The following AP3B1 variants were observed in gnomAD, a reference collection of about 807,000 sequenced individuals.
AP3B1 encodes the protein AP-3 complex subunit beta-1.
AP3B1 carries 61 observed loss-of-function variants against 132.5 expected under a neutral mutation model. The ratio of observed to expected loss-of-function variants is 0.46; its 90% CI spans 0.37 to 0.57. The LOEUF is 0.57. Ranked by LOEUF, AP3B1 falls within the 20% of genes least tolerant of loss-of-function variation. The pLI is 0.00. For missense variants in AP3B1, 1,120 were observed against 1,289.4 expected (o/e 0.87, Z 2.01); for synonymous variants, 388 against 438.3 (o/e 0.89, Z 1.43).
intron 3 of AP3B1, among the ~76,000 whole-genome samples, chr5:78,231,368 T>C (rs978007121): frequency 1.3e-5 from 2 of 152,008 alleles, no homozygotes; most frequent in African/African-American, 4.8e-5. Context: ...GAGATGGGGT[T>C]TCACCAAGTT....
Position 78,116,201 on chromosome 5 carries a change from G to T in AP3B1, c.2002C>A (p.Gln668Lys). The change falls in exon 18 of 27, where the codon CAA (glutamine) becomes AAA (lysine). Residue 668 changes from glutamine to lysine, a missense_variant. Gln to Lys is a moderately conservative substitution (Grantham distance 53). This residue lies in a region of AP3B1 where 906 missense variants were observed against 997.1 expected (regional missense o/e 0.91). Transcript: ENST00000255194. ...KEWTPAGKAKQENSAKKFYSE... is the reference protein window; with the variant it reads ...KEWTPAGKAKKENSAKKFYSE... ...TAAAACTTCTTAGCAGAATTCTCTTGCTTTGCTTTTCCTGCTGGGGTCCAT... is the reference window on the plus strand; with the variant it reads ...TAAAACTTCTTAGCAGAATTCTCTTTCTTTGCTTTTCCTGCTGGGGTCCAT... The T allele has an allele frequency of 6.2e-7, 1 of 1,613,618 alleles. No homozygotes were observed. Among genetic ancestry groups the T allele is most frequent in the Non-Finnish European group, 8.5e-7 (1 of 1,179,744 alleles).
chr5:78,142,767 G>C (rs1411766452), intron 14 of AP3B1, among the ~76,000 whole-genome samples: 1 of 152,094 alleles, frequency 6.6e-6, no homozygotes, highest in Non-Finnish European at 1.5e-5. Context: ...TGTTTGGTGA[G>C]ACACAAGAAA....
intron 22 of AP3B1, among the ~76,000 whole-genome samples, chr5:78,076,040 A>G (rs953948697): frequency 2.6e-5 from 4 of 152,244 alleles, no homozygotes; most frequent in Admixed American, 1.3e-4. Flanking sequence ...GTTTTAAGTT[A>G]TAATGGTACA....
chr5:78,193,286 T>C (rs1017830169), intron 7 of AP3B1, among the ~76,000 whole-genome samples: 3 of 152,198 alleles, frequency 2.0e-5, no homozygotes, highest in African/African-American at 7.2e-5. Context: ...TCAAAGTTTA[T>C]ATCTGAGAGG....
chr5:78,025,063 T>C (rs1307318258), intron 24 of AP3B1, among the ~76,000 whole-genome samples: 1 of 152,134 alleles, frequency 6.6e-6, no homozygotes, highest in Non-Finnish European at 1.5e-5. Flanking sequence ...CACATACATA[T>C]ATATACACAC....
In AP3B1 at chr5:78,039,401, A is replaced by G. The variant is rs1747955294; in HGVS notation, c.2578-127T>C. 30 of 743,818 alleles carry G rather than the reference A, an allele frequency of 4.0e-5. No homozygotes were observed. The South Asian group carries it at 4.2e-4, about 10-fold the overall frequency. The allele number at this position is 743,818 out of a possible 1,614,324, so 46.1% of individuals were successfully genotyped here. On this transcript the variant is annotated intron_variant, in intron 22 of 26. Transcript: ENST00000255194. ...CAGTATTATATGAACTACAATAACA[A>G]ACATTAGTAGGATATCACACACATA...
chr5:78,035,102 T>A (rs1209192499), intron 23 of AP3B1, among the ~76,000 whole-genome samples: 1 of 151,924 alleles, frequency 6.6e-6, no homozygotes, highest in Non-Finnish European at 1.5e-5. Flanking sequence ...AGAAGCTTCA[T>A]CTATCAACTA....
At chr5:78,181,435 C>G in intron 8 of AP3B1, 72 bp downstream of exon 8, 1 of 1,429,988 alleles carries the variant, frequency 7.0e-7, no homozygotes, top group Non-Finnish European at 9.7e-7. Flanking sequence ...GACTCACTTA[C>G]TAAATTGAGA....
At chr5:78,207,253 G>A (rs1412760643) in intron 7 of AP3B1, among the ~76,000 whole-genome samples, 2 of 95,792 alleles carry the variant, frequency 2.1e-5, no homozygotes, top group African/African-American at 7.9e-5. Flanking sequence ...ACGAGACTCA[G>A]TGTCAAAAAA....
At chr5:78,223,801 T>C (rs1255385136) in intron 6 of AP3B1, among the ~76,000 whole-genome samples, 1 of 152,218 alleles carries the variant, frequency 6.6e-6, no homozygotes, top group African/African-American at 2.4e-5. Context: ...ACATATACTA[T>C]GTGGCAGACG....
intron 6 of AP3B1, among the ~76,000 whole-genome samples, chr5:78,224,332 C>T (rs1223691527): frequency 1.3e-5 from 2 of 151,654 alleles, no homozygotes; most frequent in Admixed American, 6.6e-5. Context: ...GTATAATCTC[C>T]ATGTATAAGA....
intron 22 of AP3B1, among the ~76,000 whole-genome samples, chr5:78,079,794 C>A (rs1749911038): frequency 6.6e-6 from 1 of 152,110 alleles, no homozygotes; most frequent in East Asian, 1.9e-4. Flanking sequence ...ATGAGTAAAA[C>A]TTTAAAAATC....
chr5:78,020,792 G>A lies in AP3B1; in HGVS notation c.2895-3C>T. On this transcript the variant is annotated splice_polypyrimidine_tract_variant and splice_region_variant and intron_variant, in intron 24 of 26. Transcript: ENST00000255194. ...CATTGAAGCAATCATCCTTGGTACT[G>A]AAGAAAAACAATCAAAGCTGACTAA... The A allele has an allele frequency of 6.2e-7, 1 of 1,605,726 alleles. No homozygotes were observed. Among genetic ancestry groups the A allele is most frequent in the Non-Finnish European group, 8.5e-7 (1 of 1,173,978 alleles).
intron 13 of AP3B1, among the ~76,000 whole-genome samples, chr5:78,159,722 G>A (rs1743310362): frequency 6.6e-6 from 1 of 152,086 alleles, no homozygotes; most frequent in Admixed American, 6.5e-5. Flanking sequence ...ATATTCACAG[G>A]TTCTGGGCAT....
Position 78,002,356 on chromosome 5 carries a change from T to C in AP3B1, c.*546A>G. 1 of 372,118 alleles carries C rather than the reference T, an allele frequency of 2.7e-6. No homozygotes were observed. Among genetic ancestry groups the C allele is most frequent in the Non-Finnish European group, 4.8e-6 (1 of 210,216 alleles). 23.1% of individuals were successfully genotyped at this position (372,118 alleles called of 1,614,324 possible). On this transcript the variant is annotated 3_prime_UTR_variant, in exon 27 of 27. Transcript: ENST00000255194. ...TTCATATGCTAGTTTATTTATCTTA[T>C]TATTGAGAGATAATTTCATGATGAC...
intron 20 of AP3B1, among the ~76,000 whole-genome samples, chr5:78,105,431 C>G (rs917324071): frequency 2.0e-5 from 3 of 152,066 alleles, no homozygotes; most frequent in Non-Finnish European, 4.4e-5. Flanking sequence ...ATAATTTTAA[C>G]TACAAGCAGA....
rs70997969 is a variant in AP3B1 at position 78,126,504 on chromosome 5, CAAAAAAAAAAA to C, written c.1968+1515_1968+1525del. On this transcript the variant is annotated intron_variant, in intron 17 of 26. Transcript: ENST00000255194. ...TGGGTGACAGAGCAAGACTCTGTCTCAAAAAAAAAAAAAAAAAAAAAAAAAAAAATTGCACA... is the reference window on the plus strand; with the variant it reads ...TGGGTGACAGAGCAAGACTCTGTCTCAAAAAAAAAAAAAAAAAATTGCACA... Among the ~76,000 whole-genome samples, 67 of 62,388 alleles carry C rather than the reference CAAAAAAAAAAA, an allele frequency of 1.1e-3. 1 individual carries two copies. The highest frequency in any genetic ancestry group is 2.6e-3 in the African/African-American group (33 of 12,792). 40.9% of individuals were successfully genotyped at this position (62,388 alleles called of 152,430 possible).
intron 13 of AP3B1, among the ~76,000 whole-genome samples, chr5:78,156,661 C>T (rs1342632351): frequency 6.6e-6 from 1 of 152,176 alleles, no homozygotes; most frequent in Non-Finnish European, 1.5e-5. Context: ...TTATGCTGCT[C>T]ACCATAGTGT....
Position 78,039,235 on chromosome 5 carries a change from G to C in AP3B1, c.2617C>G (p.Leu873Val). 3 of 1,614,160 alleles carry C rather than the reference G, an allele frequency of 1.9e-6. No individual in the cohort carries two copies. The highest frequency in any genetic ancestry group is 2.5e-6 in the Non-Finnish European group (3 of 1,180,022). ...CCTTTTCCACTCATTCGATGAAGCA[G>C]CACGTGAGTTTTCGTTGGTACAAAT... The part of the protein sequence containing the change: ...PAFVPTKTHV[L>V]LHRMSGKGLA... The change falls in exon 23 of 27, where the codon CTG becomes GTG. Residue 873 changes from leucine to valine, a missense_variant. Physicochemically the swap from Leu to Val is conservative, Grantham distance 32. Around this residue, in one of 3 missense-constraint regions of AP3B1, gnomAD observed 906 missense variants for 997.1 expected, o/e 0.91. Transcript: ENST00000255194.
Sources: allele counts gnomAD v4.1 joint callset (sites outside exome capture counted in the v4.1 genomes callset), GRCh38; gene constraint gnomAD v4.1.1; regional missense constraint gnomAD v4.1.1; transcripts MANE v1.5; gene names NCBI Gene and HGNC (gene_info 2026-07-23, HGNC 2026-07-21).